HDAC2: variants seen among roughly 807,000 people sequenced by gnomAD.
HDAC2 encodes the protein YY1-associated factor 1.
A neutral mutation model predicts 68.5 loss-of-function variants in HDAC2; 5 were observed. That is an observed-to-expected ratio of 0.07 (90% confidence interval 0.04 to 0.15). The LOEUF is 0.15. Ranked by LOEUF, HDAC2 falls within the 10% of genes least tolerant of loss-of-function variation. The pLI is 1.00. For missense variants in HDAC2, 291 were observed against 600.8 expected, an observed-to-expected ratio of 0.48 and a Z score of 5.39; for synonymous variants, 182 against 191.3, an observed-to-expected ratio of 0.95 and a Z score of 0.40.
rs1005373129 is a variant in HDAC2 at position 113,934,891 on chromosome 6, G to A, written c.*6167C>T. 3.9e-5 allele frequency: 6 copies of A among 152,172 alleles called. No homozygotes were observed. Among genetic ancestry groups the A allele is most frequent in the Non-Finnish European group, 7.3e-5 (5 of 68,038 alleles). The allele number at this position is 152,172 out of a possible 1,614,324, so 9.4% of individuals were successfully genotyped here. A position where few individuals can be genotyped will look rare whatever the true frequency, so the allele number is the denominator to read the frequency against. On this transcript the variant is annotated 3_prime_UTR_variant, in exon 14 of 14. Transcript: ENST00000519065. ...TGGGGAAGGTGACAGCTAGTAATAC[G>A]TTGGACTTGAATTATATTTTTTCCT...
At chr6:113,941,125 A>C (rs1185778321) in intron 13 of HDAC2, 37 bp from the exon 14 acceptor site, 5 of 1,575,328 alleles carry the variant, frequency 3.2e-6, no homozygotes, top group Non-Finnish European at 4.3e-6. Flanking sequence ...TAAAAATGGC[A>C]CAATCTTGGT....
At chr6:113,958,609 C>T in intron 3 of HDAC2, 40 bp downstream of exon 3, 2 of 948,140 alleles carry the variant, frequency 2.1e-6, no homozygotes, top group Non-Finnish European at 3.3e-6. Context: ...TACTAATTTA[C>T]ATTTATCAAA....
At chr6:113,961,482 C>T (rs1247663388) in intron 1 of HDAC2, among the ~76,000 whole-genome samples, 2 of 152,150 alleles carry the variant, frequency 1.3e-5, no homozygotes, top group African/African-American at 4.8e-5. Context: ...CTTTTTAATG[C>T]AGGTGCCAAC....
chr6:113,960,471 T>C (rs551436996), intron 1 of HDAC2, among the ~76,000 whole-genome samples: 155 of 152,184 alleles, frequency 1.0e-3, no homozygotes, highest in African/African-American at 3.6e-3. Flanking sequence ...TGTTAAAACA[T>C]ACCGTGTCCA....
In HDAC2 at chr6:113,934,582, G is replaced by C. The variant is rs1775962427; in HGVS notation, c.*6476C>G. ...CCAGATGTGTTTTTCTGGGAAATCA[G>C]ATTTATTGCCCACCATAGTCACAAA... On this transcript the variant is annotated 3_prime_UTR_variant, in exon 14 of 14. Transcript: ENST00000519065. The C allele has an allele frequency of 6.6e-6, 1 of 152,200 alleles. No homozygotes were observed. Among genetic ancestry groups the C allele is most frequent in the African/African-American group, 2.4e-5 (1 of 41,542 alleles). 9.4% of individuals were successfully genotyped at this position (152,200 alleles called of 1,614,324 possible). A position where few individuals can be genotyped will look rare whatever the true frequency, so the allele number is the denominator to read the frequency against.
chr6:113,950,074 C>A (rs1367368679), intron 6 of HDAC2, among the ~76,000 whole-genome samples: 1 of 152,134 alleles, frequency 6.6e-6, no homozygotes, highest in East Asian at 1.9e-4. Flanking sequence ...AGCTATGGTG[C>A]CCAGCCTCAG....
chr6:113,938,445 A>C lies in HDAC2; in HGVS notation c.*2613T>G, dbSNP rs115039078. 1 of 151,978 alleles carries C rather than the reference A, an allele frequency of 6.6e-6. No individual in the cohort carries two copies. Among genetic ancestry groups the C allele is most frequent in the East Asian group, 1.9e-4 (1 of 5,190 alleles). The allele number at this position is 151,978 out of a possible 1,614,324, so 9.4% of individuals were successfully genotyped here. On this transcript the variant is annotated 3_prime_UTR_variant, in exon 14 of 14. Transcript: ENST00000519065. ...TAATTTTTTTTTTGTTATCAAATAT[A>C]TCTTTTATAGTTGAGTTTGGTGTCA... is the stretch of plus-strand genomic sequence containing the variant.
chr6:113,943,252 A>C lies in HDAC2; in HGVS notation c.1378+99T>G, dbSNP rs1190086439. The C allele has an allele frequency of 8.1e-6, 7 of 860,686 alleles. No homozygotes were observed. In the African/African-American group the frequency reaches 1.0e-4, roughly 13 times the overall value. The allele number at this position is 860,686 out of a possible 1,614,324, so 53.3% of individuals were successfully genotyped here. A position where few individuals can be genotyped will look rare whatever the true frequency, so the allele number is the denominator to read the frequency against. Reference sequence around the variant, plus strand: ...CACCTACCTAGCATACTTCCTCCTGATACCTGTGCAACTGACTTCTCGATA... The same window carrying C: ...CACCTACCTAGCATACTTCCTCCTGCTACCTGTGCAACTGACTTCTCGATA... On this transcript the variant is annotated intron_variant, in intron 12 of 13. Transcript: ENST00000519065.
intron 1 of HDAC2, among the ~76,000 whole-genome samples, chr6:113,963,086 CTT>C (rs1776727309): frequency 6.6e-6 from 1 of 151,616 alleles, no homozygotes; most frequent in East Asian, 1.9e-4. Context: ...TAGGCATCCA[CTT>C]TGTTTTCTTT....
rs115947573 is a variant in HDAC2 at position 113,966,601 on chromosome 6, T to C, written c.52+4256A>G. On this transcript the variant is annotated intron_variant, in intron 1 of 13. Transcript: ENST00000519065. Reference sequence around the variant, plus strand: ...AAGGAATTAATAATTTATTCATCACTAATTAAAAAAAAAAGCTACGTTTTT... The same window carrying C: ...AAGGAATTAATAATTTATTCATCACCAATTAAAAAAAAAAGCTACGTTTTT... 3.2e-3 allele frequency among the ~76,000 whole-genome samples: 477 copies of C among 148,780 alleles called. 6 individuals are homozygous for C. The highest frequency in any genetic ancestry group is 0.011 in the African/African-American group (459 of 40,416).
At chr6:113,970,762 C>T (rs1405601821) in intron 1 of HDAC2, 95 bp downstream of exon 1, 7 of 1,430,516 alleles carry the variant, frequency 4.9e-6, no homozygotes, top group Non-Finnish European at 6.3e-6. Flanking sequence ...CCTCCTCCTT[C>T]CCACCCCTCA....
intron 2 of HDAC2, 25 bp from the exon 3 acceptor site, chr6:113,958,791 A>T: frequency 7.7e-7 from 1 of 1,294,136 alleles, no homozygotes; most frequent in Non-Finnish European, 1.1e-6. Flanking sequence ...AAATGTCAGA[A>T]CTGTGGAATT....
At chr6:113,970,800 C>T in intron 1 of HDAC2, 57 bp downstream of exon 1, 6 of 1,465,232 alleles carry the variant, frequency 4.1e-6, no homozygotes, top group Non-Finnish European at 5.4e-6. Context: ...CGACGGCAGC[C>T]GCGGAACCCA....
At position 113,941,782 on chromosome 6, in the gene HDAC2, G is replaced by A. The variant is rs1395642794; in HGVS notation, c.1379-17C>T. The A allele has an allele frequency of 8.7e-7, 1 of 1,145,246 alleles. No homozygotes were observed. The highest frequency in any genetic ancestry group is 2.6e-5 in the East Asian group (1 of 37,744). The allele number at this position is 1,145,246 out of a possible 1,614,324, so 70.9% of individuals were successfully genotyped here. A position where few individuals can be genotyped will look rare whatever the true frequency, so the allele number is the denominator to read the frequency against. On this transcript the variant is annotated splice_polypyrimidine_tract_variant and intron_variant, in intron 12 of 13. Coordinates refer to ENST00000519065, the MANE Select transcript of HDAC2 (RefSeq NM_001527.4). ...CCTTAACGTCTAAAAATAAAGATTGGGAAAAGATTAAAACCTATTTTGAAA... is the reference window on the plus strand; with the variant it reads ...CCTTAACGTCTAAAAATAAAGATTGAGAAAAGATTAAAACCTATTTTGAAA...
At chr6:113,945,284 AT>A (rs1441500337) in intron 10 of HDAC2, 77 bp downstream of exon 10, 2 of 621,916 alleles carry the variant, frequency 3.2e-6, no homozygotes, top group East Asian at 5.9e-5. Context: ...AAAAAGACCC[AT>A]CATACTTGGC....
intron 6 of HDAC2, among the ~76,000 whole-genome samples, chr6:113,951,463 G>A (rs1776412384): frequency 7.0e-6 from 1 of 142,572 alleles, no homozygotes; most frequent in Non-Finnish European, 1.5e-5. Flanking sequence ...ATCAGCAACT[G>A]TAAAATCTTT....
intron 1 of HDAC2, 91 bp downstream of exon 1, chr6:113,970,766 C>T (rs912712658): frequency 1.4e-6 from 2 of 1,431,406 alleles, no homozygotes; most frequent in African/African-American, 3.0e-5. Context: ...CTCCTTCCCA[C>T]CCCTCAGCCC....
chr6:113,941,639 C>T (rs1361537974), intron 13 of HDAC2, 69 bp downstream of exon 13: 1 of 596,938 alleles, frequency 1.7e-6, no homozygotes, highest in African/African-American at 1.9e-5. Flanking sequence ...TGTACACAAA[C>T]ACACACCAAT....
chr6:113,948,879 A>T, intron 8 of HDAC2, 100 bp downstream of exon 8: 1 of 1,352,960 alleles, frequency 7.4e-7, no homozygotes, highest in East Asian at 2.4e-5. Flanking sequence ...TACAGTGTTA[A>T]AACAGCAGGC....
Sources: allele counts gnomAD v4.1 joint callset (sites outside exome capture counted in the v4.1 genomes callset), GRCh38; gene constraint gnomAD v4.1.1; transcripts MANE v1.5; gene names NCBI Gene and HGNC (gene_info 2026-07-23, HGNC 2026-07-21).